SEC14L2: variants seen among roughly 807,000 people sequenced by gnomAD.
SEC14L2 encodes the protein SEC14-like protein 2.
SEC14L2 carries 50 observed loss-of-function variants against 56.9 expected under a neutral mutation model. That is an observed-to-expected ratio of 0.88 (90% confidence interval 0.70 to 1.11). The LOEUF (loss-of-function observed/expected upper bound fraction) is 1.11. Among genes scored for constraint, SEC14L2 ranks in the 50% most tolerant of loss-of-function variants. The pLI is 0.00. For missense variants in SEC14L2, 414 were observed against 500.7 expected (o/e 0.83, Z 1.65); for synonymous variants, 179 against 188.5 (o/e 0.95, Z 0.41).
chr22:30,413,811 T>C (rs1205716973), intron 8 of SEC14L2, among the ~76,000 whole-genome samples: 1 of 151,778 alleles, frequency 6.6e-6, no homozygotes, highest in African/African-American at 2.4e-5. Context: ...TGTTTTTTTT[T>C]TTTCTTTTTT....
chr22:30,418,236 G>A (rs1394216782), intron 11 of SEC14L2, among the ~76,000 whole-genome samples: 5 of 152,072 alleles, frequency 3.3e-5, no homozygotes, highest in African/African-American at 4.8e-5. Context: ...TTTTTTTAAT[G>A]GATGGGGAAG....
chr22:30,411,826 T>C (rs892811983), intron 8 of SEC14L2, among the ~76,000 whole-genome samples: 6 of 150,510 alleles, frequency 4.0e-5, no homozygotes, highest in African/African-American at 1.5e-4. Context: ...ATCAGTATGC[T>C]GTGGTAAATG....
At chr22:30,412,539 G>A (rs545913284) in intron 8 of SEC14L2, among the ~76,000 whole-genome samples, 5 of 152,050 alleles carry the variant, frequency 3.3e-5, no homozygotes, top group Non-Finnish European at 7.4e-5. Flanking sequence ...AGGGCCAGGC[G>A]CAGTGGCTCA....
rs763620317 is a variant in SEC14L2 at position 30,416,295 on chromosome 22, GGAGA to G, written c.977_980del (p.Glu326GlyfsTer7). 1 of 1,614,244 alleles carries G rather than the reference GGAGA, an allele frequency of 6.2e-7. No individual in the cohort carries two copies. Among genetic ancestry groups the G allele is most frequent in the Non-Finnish European group, 8.5e-7 (1 of 1,180,042 alleles). ...TGGGATTTTCCTGAAGACCAAGATG[GGAGA>G]GAGGCAGCGGGCAGGGGAGATGACA... On this transcript the variant is annotated frameshift_variant, in exon 11 of 12. Coordinates refer to ENST00000615189, the MANE Select transcript of SEC14L2 (RefSeq NM_012429.5). LOFTEE classifies it high-confidence loss of function.
chr22:30,424,792 T>G lies in SEC14L2; in HGVS notation c.*2385T>G, dbSNP rs1415592102. The G allele has an allele frequency of 6.6e-6, 3 of 456,482 alleles. No individual in the cohort carries two copies. Among genetic ancestry groups the G allele is most frequent in the Non-Finnish European group, 1.3e-5 (3 of 226,954 alleles). The allele number at this position is 456,482 out of a possible 1,614,324, so 28.3% of individuals were successfully genotyped here. A position where few individuals can be genotyped will look rare whatever the true frequency, so the allele number is the denominator to read the frequency against. On this transcript the variant is annotated 3_prime_UTR_variant, in exon 12 of 12. Coordinates refer to ENST00000615189, the MANE Select transcript of SEC14L2 (RefSeq NM_012429.5). The stretch of plus-strand genomic sequence containing the variant: ...AAGGAGTCACAGAGACTTAGTGAAG[T>G]GCACACATTGCTCACCTGGGTGAAC...
At chr22:30,413,377 C>G (rs1934304254) in intron 8 of SEC14L2, among the ~76,000 whole-genome samples, 1 of 152,098 alleles carries the variant, frequency 6.6e-6, no homozygotes, top group Non-Finnish European at 1.5e-5. Flanking sequence ...CAGGGACAGG[C>G]AGGAGTTCAG....
chr22:30,407,676 C>A, intron 5 of SEC14L2, 73 bp downstream of exon 5: 22 of 1,329,460 alleles, frequency 1.7e-5, no homozygotes, highest in South Asian at 6.6e-5. Context: ...GGATGTCACA[C>A]AGGAATATAA....
chr22:30,399,758 T>C (rs1933873912), intron 2 of SEC14L2, 40 bp downstream of exon 2: 2 of 1,571,276 alleles, frequency 1.3e-6, no homozygotes, highest in Non-Finnish European at 8.7e-7. Context: ...GGCAGGGGCT[T>C]GTTCTGGGCA....
At chr22:30,407,664 A>C in intron 5 of SEC14L2, 61 bp downstream of exon 5, 1 of 1,487,080 alleles carries the variant, frequency 6.7e-7, no homozygotes, top group South Asian at 1.2e-5. Flanking sequence ...CAGCAGAAGC[A>C]GGGATGTCAC....
At chr22:30,408,105 CAA>C (rs60513716) in intron 5 of SEC14L2, among the ~76,000 whole-genome samples, 46 of 89,292 alleles carry the variant, frequency 5.2e-4, no homozygotes, top group Middle Eastern at 7.6e-3. Flanking sequence ...GACTCCATCT[CAA>C]AAAAAAAAAA....
intron 8 of SEC14L2, among the ~76,000 whole-genome samples, chr22:30,414,146 G>A (rs1213638171): frequency 1.3e-5 from 2 of 152,164 alleles, no homozygotes; most frequent in African/African-American, 4.8e-5. Flanking sequence ...TCTGCTTTTT[G>A]TTGCCTCAGT....
In SEC14L2 at chr22:30,407,556, C is replaced by A; in HGVS notation, c.376C>A (p.Arg126=). Residue 126 remains arginine, a synonymous_variant, in exon 5 of 12, where the codon CGG becomes AGG. Transcript: ENST00000615189. ...ACAGGACCTGCTGAGGACCAAGATG[C>A]GGGAGTGTGAGCTGCTTCTGCAAGA... ...SKQDLLRTKM[R]ECELLLQECA... 2 of 1,614,030 alleles carry A rather than the reference C, an allele frequency of 1.2e-6. No individual in the cohort carries two copies. The highest frequency in any genetic ancestry group is 1.3e-5 in the African/African-American group (1 of 75,028).
At chr22:30,406,251 T>C (rs891961773) in intron 2 of SEC14L2, 91 bp from the exon 3 acceptor site, 5 of 1,226,798 alleles carry the variant, frequency 4.1e-6, no homozygotes, top group South Asian at 2.5e-5. Flanking sequence ...TGAGAGGAAC[T>C]GGCCCTATCA....
At chr22:30,418,738 G>T (rs2299827) in intron 11 of SEC14L2, among the ~76,000 whole-genome samples, 29,489 of 152,134 alleles carry the variant, frequency 0.19, 3,099 homozygotes, top group South Asian at 0.39. Context: ...TGGTGCCACA[G>T]CTAAGGTTAG....
intron 1 of SEC14L2, 43 bp downstream of exon 1, chr22:30,397,213 C>T (rs745344689): frequency 6.9e-7 from 1 of 1,455,364 alleles, no homozygotes; most frequent in South Asian, 1.4e-5. Flanking sequence ...CGGGCTGTGG[C>T]CCTCGCCCTC....
intron 1 of SEC14L2, among the ~76,000 whole-genome samples, chr22:30,399,299 G>A (rs1464037466): frequency 6.6e-6 from 1 of 151,998 alleles, no homozygotes; most frequent in Non-Finnish European, 1.5e-5. Context: ...GGATCAGGAC[G>A]AGGTCAGGAG....
intron 2 of SEC14L2, among the ~76,000 whole-genome samples, chr22:30,402,310 G>T (rs1933962019): frequency 6.6e-6 from 1 of 152,092 alleles, no homozygotes; most frequent in South Asian, 2.1e-4. Flanking sequence ...GCTGTTGGGG[G>T]AGAAGCATGG....
chr22:30,423,889 C>G lies in SEC14L2; in HGVS notation c.*1482C>G, dbSNP rs192684754. On this transcript the variant is annotated 3_prime_UTR_variant, in exon 12 of 12. Coordinates refer to ENST00000615189, the MANE Select transcript of SEC14L2 (RefSeq NM_012429.5). ...GCTAGGCTCCTCGCTGCCTCTCACT[C>G]AAGAGGCCCAAACTCAGACGGCGTC... is the stretch of plus-strand genomic sequence containing the variant. 85 of 152,414 alleles carry G rather than the reference C, an allele frequency of 5.6e-4. No individual in the cohort carries two copies. The highest frequency in any genetic ancestry group is 1.9e-3 in the African/African-American group (79 of 41,596). 9.4% of individuals were successfully genotyped at this position (152,414 alleles called of 1,614,324 possible).
intron 11 of SEC14L2, chr22:30,416,741 C>A: frequency 7.6e-7 from 1 of 1,317,776 alleles, no homozygotes; most frequent in African/African-American, 1.5e-5. Flanking sequence ...TGCTCCTTCC[C>A]AGAGGTCACA....
Sources: gnomAD v4.1 joint callset for allele counts (sites outside exome capture counted in the v4.1 genomes callset) on GRCh38, gnomAD v4.1.1 for gene constraint, MANE v1.5 for transcripts, NCBI Gene and HGNC (gene_info 2026-07-23, HGNC 2026-07-21) for gene names.